Variants in FAT2 observed in about 807,000 individuals in gnomAD.
FAT2 encodes FAT atypical cadherin 2.
Under a neutral mutation model 295.3 loss-of-function variants are expected in FAT2, and 150 were observed. The observed-to-expected ratio is 0.51, with a 90% CI of 0.44 to 0.58. FAT2 has a LOEUF of 0.58. FAT2 is among the 20% of genes least tolerant of loss of function. FAT2 has a pLI of 0.00. For synonymous variants in FAT2, 2,026 were observed against 2,150.3 expected, an observed-to-expected ratio of 0.94 and a Z score of 1.60; for missense variants, 4,868 against 5,442.7, an observed-to-expected ratio of 0.89 and a Z score of 3.32.
At chr5:151,584,546 C>A (rs985122240) in intron 1 of FAT2, among the ~76,000 whole-genome samples, 1 of 152,144 alleles carries the variant, frequency 6.6e-6, no homozygotes, top group Admixed American at 6.5e-5. Context: ...CTTCAGATGC[C>A]AGATTTAGTA....
intron 3 of FAT2, among the ~76,000 whole-genome samples, chr5:151,560,730 CTG>C (rs1332622022): frequency 2.0e-5 from 3 of 152,218 alleles, no homozygotes; most frequent in Non-Finnish European, 4.4e-5. Context: ...AGACCTGAAA[CTG>C]TGTTTTATTT....
intron 21 of FAT2, chr5:151,511,459 C>T (rs1761315941): frequency 6.6e-6 from 1 of 152,308 alleles, no homozygotes. Context: ...GAGCCTGTGA[C>T]TTCCACCCCT....
chr5:151,524,974 T>C (rs1561827900), intron 18 of FAT2, among the ~76,000 whole-genome samples: 1 of 152,224 alleles, frequency 6.6e-6, no homozygotes, highest in Non-Finnish European at 1.5e-5. Context: ...TCTTTCTTTA[T>C]CTGTTTATTG....
At chr5:151,556,109 G>A (rs1757671641) in intron 4 of FAT2, among the ~76,000 whole-genome samples, 1 of 152,148 alleles carries the variant, frequency 6.6e-6, no homozygotes, top group African/African-American at 2.4e-5. Flanking sequence ...CTCCCTGCAG[G>A]CATCACTAAT....
chr5:151,580,546 T>C (rs1449416506), intron 1 of FAT2, among the ~76,000 whole-genome samples: 8 of 152,222 alleles, frequency 5.3e-5, no homozygotes, highest in Non-Finnish European at 1.2e-4. Flanking sequence ...CGGACTCTCA[T>C]TCGGGCCCCA....
chr5:151,565,863 C>A lies in FAT2; in HGVS notation c.3069G>T (p.Val1023=), dbSNP rs996455766. 6.2e-7 allele frequency: 1 copy of A among 1,613,958 alleles called. No homozygotes were observed. Among genetic ancestry groups the A allele is most frequent in the Non-Finnish European group, 8.5e-7 (1 of 1,180,020 alleles). ...AGTGGGGAGGGTGGAGATTCTCATT[C>A]ACATCCAGGACGATCACCTCCACAT... The part of the protein sequence containing the change: ...LCHVEVIVLD[V]NENLHPPHFA... The change falls in exon 2 of 24, where the codon GTG becomes GTT. Residue 1023 remains valine, a synonymous_variant. Transcript: ENST00000261800.
intron 13 of FAT2, among the ~76,000 whole-genome samples, chr5:151,533,224 G>A (rs961280299): frequency 3.3e-5 from 5 of 152,106 alleles, no homozygotes; most frequent in African/African-American, 7.2e-5. Context: ...GTCCCTGGAG[G>A]TGTGTAAGCA....
chr5:151,510,062 T>A lies in FAT2; in HGVS notation c.12018A>T (p.Lys4006Asn). The A allele has an allele frequency of 6.2e-7, 1 of 1,614,154 alleles. No homozygotes were observed. The highest frequency in any genetic ancestry group is 8.5e-7 in the Non-Finnish European group (1 of 1,180,022). ...GATGAGGGCAGTTACAGGAAGCTCCTTTGGGGGAGAGGATGCAAGTTCCAC... is the reference window on the plus strand; with the variant it reads ...GATGAGGGCAGTTACAGGAAGCTCCATTGGGGGAGAGGATGCAAGTTCCAC... ...LEGGTCILSP[K>N]GASCNCPHPY... Residue 4006 changes from lysine (K) to asparagine (N), a missense_variant, in exon 22 of 24, where the codon AAA (lysine) becomes AAT (asparagine). Coordinates refer to ENST00000261800, the MANE Select transcript of FAT2 (RefSeq NM_001447.3).
upstream of FAT2, among the ~76,000 whole-genome samples, chr5:151,591,731 G>A (rs183199276): frequency 5.3e-5 from 8 of 152,238 alleles, no homozygotes; most frequent in African/African-American, 1.7e-4. Context: ...GATTTGGTTC[G>A]AAACCCTGGC....
chr5:151,537,234 A>AGG, intron 12 of FAT2, among the ~76,000 whole-genome samples: 1 of 148,510 alleles, frequency 6.7e-6, no homozygotes, highest in Admixed American at 6.7e-5. Flanking sequence ...GAGGAGGAGG[A>AGG]AGAAGAAGAA....
rs1756335675 is a variant in FAT2, at chr5:151,543,292, G to C, written c.7835C>G (p.Ala2612Gly). 2 of 1,614,086 alleles carry C rather than the reference G, an allele frequency of 1.2e-6. No individual in the cohort carries two copies. Among genetic ancestry groups the C allele is most frequent in the Non-Finnish European group, 1.7e-6 (2 of 1,180,052 alleles). The change falls in exon 10 of 24, where the codon GCA (alanine) becomes GGA (glycine). Residue 2612 changes from alanine (A) to glycine (G), a missense_variant. Around this residue, in one of 5 missense-constraint regions of FAT2, gnomAD observed 3,297 missense variants for 3,669.4 expected, o/e 0.90. Transcript: ENST00000261800. ...SPVIQVLAYD[A>G]DEGQNADVTY... is the part of the protein sequence containing the mutation. Reference sequence around the variant, plus strand: ...GACATCTGCGTTCTGACCTTCATCTGCATCATAGGCCAACACCTGGATAAC... The same window carrying C: ...GACATCTGCGTTCTGACCTTCATCTCCATCATAGGCCAACACCTGGATAAC...
At chr5:151,592,354 G>A (rs1352516363), upstream of FAT2, among the ~76,000 whole-genome samples, 1 of 152,136 alleles carries the variant, frequency 6.6e-6, no homozygotes, top group South Asian at 2.1e-4. Context: ...CTAGGCCCTG[G>A]GGACACAGAG....
At chr5:151,533,227 T>A (rs1754848055) in intron 13 of FAT2, among the ~76,000 whole-genome samples, 1 of 152,070 alleles carries the variant, frequency 6.6e-6, no homozygotes, top group African/African-American at 2.4e-5. Context: ...CCTGGAGGTG[T>A]GTAAGCAGTG....
chr5:151,560,349 G>GT (rs146910345), intron 3 of FAT2, among the ~76,000 whole-genome samples: 434 of 152,310 alleles, frequency 2.8e-3, no homozygotes, highest in African/African-American at 0.01. Context: ...CATAGAGCAG[G>GT]TAACTCACTT....
Position 151,567,927 on chromosome 5 carries a change from G to A in FAT2, c.1005C>T (p.Ala335=). 6.2e-7 allele frequency: 1 copy of A among 1,614,120 alleles called. No individual in the cohort carries two copies. Among genetic ancestry groups the A allele is most frequent in the Admixed American group, 1.7e-5 (1 of 60,022 alleles). Residue 335 remains alanine (A), a synonymous_variant, in exon 2 of 24, where the codon GCC becomes GCT. Transcript: ENST00000261800. Reference sequence around the variant, plus strand: ...AAAAATAAGGGCCGCTCCCACTCCTGGCCTGGAGGCTGAGGTTGAACCCAT... The same window carrying A: ...AAAAATAAGGGCCGCTCCCACTCCTAGCCTGGAGGCTGAGGTTGAACCCAT... ...YLHGFNLSLQ[A]RSGSGPYFYS... is the part of the protein sequence containing the mutation.
In FAT2 at chr5:151,565,655, C is replaced by A; in HGVS notation, c.3259+18G>T. On this transcript the variant is annotated intron_variant, in intron 2 of 23. Coordinates refer to ENST00000261800, the MANE Select transcript of FAT2 (RefSeq NM_001447.3). ...CTACCTCTGGCCCTGGCACCCCACC[C>A]TACCCCACCCCCAGTACCTGTATCT... The A allele has an allele frequency of 1.3e-5, 20 of 1,483,780 alleles. No homozygotes were observed. Among genetic ancestry groups the A allele is most frequent in the Non-Finnish European group, 1.6e-5 (17 of 1,090,478 alleles). 91.9% of individuals were successfully genotyped at this position (1,483,780 alleles called of 1,614,324 possible).
At chr5:151,554,764 C>G in intron 4 of FAT2, 91 bp from the exon 5 acceptor site, 1 of 996,338 alleles carries the variant, frequency 1.0e-6, no homozygotes, top group South Asian at 1.5e-5. Flanking sequence ...TCACTTTGTT[C>G]TTTGGTATGA....
intron 1 of FAT2, among the ~76,000 whole-genome samples, chr5:151,573,059 C>A (rs1758598568): frequency 6.6e-6 from 1 of 152,074 alleles, no homozygotes; most frequent in Admixed American, 6.5e-5. Flanking sequence ...ATGAATGGAC[C>A]CTTTTAGGAT....
Position 151,568,797 on chromosome 5 carries a change from A to G in FAT2, c.135T>C (p.Asn45=). 6.2e-6 allele frequency: 10 copies of G among 1,614,078 alleles called. No individual in the cohort carries two copies. Among genetic ancestry groups the G allele is most frequent in the Non-Finnish European group, 8.5e-6 (10 of 1,180,024 alleles). Residue 45 remains asparagine (N), a synonymous_variant, in exon 2 of 24, where the codon AAT becomes AAC. Coordinates refer to ENST00000261800, the MANE Select transcript of FAT2 (RefSeq NM_001447.3). ...HSHYNATIYE[N]SSPKTYVESF... is the part of the protein sequence containing the mutation. Reference sequence around the variant, plus strand: ...TCTCCACATAGGTCTTGGGAGAAGAATTTTCATAGATGGTGGCATTGTAAT... The same window carrying G: ...TCTCCACATAGGTCTTGGGAGAAGAGTTTTCATAGATGGTGGCATTGTAAT...
Sources: gnomAD v4.1 joint callset for allele counts (sites outside exome capture counted in the v4.1 genomes callset) on GRCh38, gnomAD v4.1.1 for gene constraint, gnomAD v4.1.1 regional missense constraint, MANE v1.5 for transcripts, NCBI Gene and HGNC (gene_info 2026-07-23, HGNC 2026-07-21) for gene names.